DNAJC7: variants seen among roughly 807,000 people sequenced by gnomAD.
DNAJC7 encodes DnaJ heat shock protein family (Hsp40) member C7.
DNAJC7 carries 18 observed loss-of-function variants against 67.4 expected under a neutral mutation model. The observed-to-expected ratio is 0.27, with a 90% CI of 0.18 to 0.40. DNAJC7 has a LOEUF of 0.40. Ranked by LOEUF, DNAJC7 falls within the 10% of genes least tolerant of loss-of-function variation. The pLI is 1.00. For synonymous variants in DNAJC7, 220 were observed against 207.8 expected (o/e 1.06, Z -0.50); for missense variants, 419 against 613.8 (o/e 0.68, Z 3.35).
At chr17:41,979,786 C>T (rs1477389895) in intron 12 of DNAJC7, among the ~76,000 whole-genome samples, 3 of 150,508 alleles carry the variant, frequency 2.0e-5, no homozygotes, top group South Asian at 2.1e-4. Context: ...TATGGTAAAA[C>T]CCCGTCTCTA....
intron 9 of DNAJC7, chr17:41,985,201 G>C (rs2051346448): frequency 6.6e-6 from 1 of 152,140 alleles, no homozygotes; most frequent in Non-Finnish European, 1.5e-5. Context: ...TACCAATGTG[G>C]CTGGCAAAAG....
Position 41,997,301 on chromosome 17 carries a change from A to G in DNAJC7, c.167-62T>C, listed in dbSNP as rs1172018782. On this transcript the variant is annotated intron_variant, in intron 2 of 13. Coordinates refer to ENST00000457167, the MANE Select transcript of DNAJC7 (RefSeq NM_003315.4). ...GAACAGGTCCCTGCTTTGAAAACTTAGAGGGGGCTGGGCGCAGTGGCTCAT... is the reference window on the plus strand; with the variant it reads ...GAACAGGTCCCTGCTTTGAAAACTTGGAGGGGGCTGGGCGCAGTGGCTCAT... The G allele has an allele frequency of 1.9e-6, 3 of 1,567,478 alleles. No individual in the cohort carries two copies. The East Asian group carries it at 7.0e-5, about 36-fold the overall frequency.
Position 41,987,750 on chromosome 17 carries a change from C to T in DNAJC7, c.1010+69G>A. 2.2e-6 allele frequency: 3 copies of T among 1,365,136 alleles called. No individual in the cohort carries two copies. The South Asian group carries it at 3.8e-5, about 17-fold the overall frequency. The allele number at this position is 1,365,136 out of a possible 1,614,324, so 84.6% of individuals were successfully genotyped here. On this transcript the variant is annotated intron_variant, in intron 9 of 13. Transcript: ENST00000457167. The stretch of plus-strand genomic sequence containing the variant: ...CACAACATCTCTGGGTCTGCTTCGT[C>T]ATCCACAAGGCAATTCCCCTGAGGC...
chr17:41,989,822 A>G (rs373543363), intron 6 of DNAJC7, among the ~76,000 whole-genome samples: 14 of 152,346 alleles, frequency 9.2e-5, no homozygotes, highest in African/African-American at 3.4e-4. Context: ...CCTTTCTGCC[A>G]CTGGTTTTTG....
Position 41,988,816 on chromosome 17 carries a change from C to T in DNAJC7, c.834G>A (p.Leu278=). The change falls in exon 8 of 14, where the codon CTG becomes CTA. Residue 278 remains leucine (L), a synonymous_variant. Transcript: ENST00000457167. The part of the protein sequence containing the change: ...KEGNYKLAYE[L]YTEALGIDPN... ...GGTCTATCCCCAGGGCTTCTGTGTA[C>T]AGTTCATATGCTAGTTTGTAATTTC... 6.2e-7 allele frequency: 1 copy of T among 1,613,820 alleles called. No homozygotes were observed. The highest frequency in any genetic ancestry group is 8.5e-7 in the Non-Finnish European group (1 of 1,179,824).
chr17:42,010,065 C>G (rs973471587), intron 1 of DNAJC7, among the ~76,000 whole-genome samples: 1 of 152,144 alleles, frequency 6.6e-6, no homozygotes, highest in African/African-American at 2.4e-5. Context: ...TAGCTTGAAC[C>G]CAGGAAGCGG....
chr17:41,983,445 T>G, intron 10 of DNAJC7, 118 bp downstream of exon 10: 1 of 908,770 alleles, frequency 1.1e-6, no homozygotes. Context: ...TCTTTCTGGC[T>G]GGTGATCAAA....
At chr17:41,998,527 A>T (rs2051720356) in intron 2 of DNAJC7, among the ~76,000 whole-genome samples, 2 of 152,228 alleles carry the variant, frequency 1.3e-5, no homozygotes, top group Non-Finnish European at 2.9e-5. Flanking sequence ...GGACAGCAGC[A>T]AGGATACAAT....
intron 1 of DNAJC7, among the ~76,000 whole-genome samples, chr17:42,005,390 T>C (rs982134038): frequency 9.2e-5 from 14 of 152,228 alleles, no homozygotes; most frequent in African/African-American, 2.9e-4. Flanking sequence ...TCTCTCTAAA[T>C]ACTTCCAAGT....
chr17:42,004,942 T>C (rs1262941634), intron 1 of DNAJC7, among the ~76,000 whole-genome samples: 1 of 152,136 alleles, frequency 6.6e-6, no homozygotes, highest in Non-Finnish European at 1.5e-5. Context: ...GGAGGATCAC[T>C]TGAGCCTGGG....
intron 2 of DNAJC7, among the ~76,000 whole-genome samples, chr17:41,999,485 G>A (rs1180111391): frequency 2.6e-5 from 4 of 151,996 alleles, no homozygotes; most frequent in Non-Finnish European, 2.9e-5. Flanking sequence ...TTGGGCAAAA[G>A]GCTACTTCTC....
intron 5 of DNAJC7, 105 bp downstream of exon 5, chr17:41,994,765 T>C (rs538705107): frequency 3.3e-5 from 30 of 907,176 alleles, no homozygotes; most frequent in Non-Finnish European, 5.2e-5. Flanking sequence ...AATTTACTAT[T>C]CTAGAGCTTT....
intron 4 of DNAJC7, 115 bp downstream of exon 4, chr17:41,996,196 C>T: frequency 1.0e-6 from 1 of 983,176 alleles, no homozygotes; most frequent in Non-Finnish European, 1.5e-6. Context: ...CCTAAAGTCA[C>T]CCAGGTGTGC....
chr17:41,984,254 G>A (rs532919651), intron 9 of DNAJC7: 2 of 151,904 alleles, frequency 1.3e-5, no homozygotes, highest in African/African-American at 2.4e-5. Flanking sequence ...AGGGGCCCTT[G>A]GCCCAAGATC....
At chr17:42,017,298 G>T in intron 1 of DNAJC7, 42 bp downstream of exon 1, 1 of 1,609,464 alleles carries the variant, frequency 6.2e-7, no homozygotes. Context: ...CTGAGCCACG[G>T]AGCTGCAGGT....
At chr17:42,001,498 A>G (rs934954804) in intron 1 of DNAJC7, among the ~76,000 whole-genome samples, 2 of 152,268 alleles carry the variant, frequency 1.3e-5, no homozygotes, top group Non-Finnish European at 2.9e-5. Context: ...TAAAAGAACT[A>G]GTAACCTCTA....
intron 10 of DNAJC7, among the ~76,000 whole-genome samples, chr17:41,983,050 G>A (rs1384430259): frequency 1.3e-5 from 2 of 151,692 alleles, no homozygotes; most frequent in Non-Finnish European, 2.9e-5. Flanking sequence ...AAATGAAAAC[G>A]ACAGGGAGGA....
rs1377691707 is a variant in DNAJC7, at chr17:41,979,853, C to T, written c.1384+2002G>A. Among the ~76,000 whole-genome samples, 7 of 150,982 alleles carry T rather than the reference C, an allele frequency of 4.6e-5. No homozygotes were observed. The South Asian group carries it at 1.1e-3, about 23-fold the overall frequency. On this transcript the variant is annotated intron_variant, in intron 12 of 13. Coordinates refer to ENST00000457167, the MANE Select transcript of DNAJC7 (RefSeq NM_003315.4). ...GCGCACACCTGTAGTCCCAGCTACT[C>T]GGGAGGCTGAGGCAGAAGAATCACT... is the stretch of plus-strand genomic sequence containing the variant.
At chr17:41,977,368 A>C (rs2051116176) in intron 12 of DNAJC7, 45 bp from the exon 13 acceptor site, 1 of 1,518,722 alleles carries the variant, frequency 6.6e-7, no homozygotes, top group Non-Finnish European at 9.0e-7. Flanking sequence ...AAAGGTGAAA[A>C]ATTAGAAATG....
Sources: allele counts gnomAD v4.1 joint callset (sites outside exome capture counted in the v4.1 genomes callset), GRCh38; gene constraint gnomAD v4.1.1; transcripts MANE v1.5; gene names NCBI Gene and HGNC (gene_info 2026-07-23, HGNC 2026-07-21).